CTNNA2: variants seen among roughly 807,000 people sequenced by gnomAD.
CTNNA2 encodes the protein catenin alpha-2.
A neutral mutation model predicts 101.0 loss-of-function variants in CTNNA2; 42 were observed. The observed-to-expected ratio is 0.42, with a 90% CI of 0.32 to 0.54. CTNNA2 has a LOEUF of 0.54. Among genes scored for constraint, CTNNA2 ranks in the 20% least tolerant of loss-of-function variants. The pLI, the probability that CTNNA2 is intolerant of heterozygous loss-of-function variation, is 0.14. For missense variants in CTNNA2, 871 were observed against 1,223.1 expected (o/e 0.71, Z 4.29); for synonymous variants, 450 against 456.4 (o/e 0.99, Z 0.18).
rs561142307 is a variant in CTNNA2 at position 80,469,472 on chromosome 2, T to C, written c.1290+49871T>C. ...ATATTACGGAGTTTACTGAATTTGG[T>C]TGGTGATATCTGACACTAATCCACA... On this transcript the variant is annotated intron_variant, in intron 9 of 18. Transcript: ENST00000402739. Among the ~76,000 whole-genome samples, 8 of 152,256 alleles carry C rather than the reference T, an allele frequency of 5.3e-5. No homozygotes were observed. In the South Asian group the frequency reaches 6.2e-4, roughly 12 times the overall value.
chr2:79,699,184 A>C (rs1684831512), intron 2 of CTNNA2, among the ~76,000 whole-genome samples: 1 of 152,116 alleles, frequency 6.6e-6, no homozygotes, highest in Non-Finnish European at 1.5e-5. Context: ...TTCCAAATTA[A>C]AATCATAATG....
At chr2:80,536,776 T>G (rs1187295290) in intron 9 of CTNNA2, among the ~76,000 whole-genome samples, 1 of 152,208 alleles carries the variant, frequency 6.6e-6, no homozygotes, top group South Asian at 2.1e-4. Context: ...TGTGGCTCTT[T>G]TGAGACAGAG....
At chr2:80,090,169 T>C (rs1699705963) in intron 7 of CTNNA2, among the ~76,000 whole-genome samples, 1 of 150,852 alleles carries the variant, frequency 6.6e-6, no homozygotes. Flanking sequence ...TGTGTGTGTG[T>C]GTGTGTGTGT....
chr2:80,432,993 C>T (rs1018253695), intron 9 of CTNNA2, among the ~76,000 whole-genome samples: 4 of 151,942 alleles, frequency 2.6e-5, no homozygotes, highest in African/African-American at 7.3e-5. Context: ...AGAATGTTAA[C>T]GGCAGTGGGG....
At chr2:79,992,346 C>T (rs1008390836) in intron 7 of CTNNA2, among the ~76,000 whole-genome samples, 4 of 152,050 alleles carry the variant, frequency 2.6e-5, no homozygotes, top group African/African-American at 2.4e-5. Flanking sequence ...GAAAATTAGA[C>T]ATACTTAATA....
intron 7 of CTNNA2, among the ~76,000 whole-genome samples, chr2:80,060,964 CA>C (rs1697561092): frequency 6.6e-6 from 1 of 152,086 alleles, no homozygotes; most frequent in Admixed American, 6.5e-5. Context: ...TCCAAAGGGC[CA>C]CCCCAGCTGA....
chr2:79,557,729 A>G (rs1056874491), intron 1 of CTNNA2, among the ~76,000 whole-genome samples: 3 of 151,866 alleles, frequency 2.0e-5, no homozygotes, highest in African/African-American at 7.2e-5. Flanking sequence ...TCCATAATGT[A>G]ATTCATTTGT....
rs551651507 is a variant in CTNNA2, at chr2:79,668,006, C to T, written c.102+16348C>T. On this transcript the variant is annotated intron_variant, in intron 2 of 18. Coordinates refer to ENST00000402739, the MANE Select transcript of CTNNA2 (RefSeq NM_001282597.3). ...CTGTAATCCCAGCACTTTGGGAGGC[C>T]GAGGCGGGTGGATCATGAGGTCAGG... Among the ~76,000 whole-genome samples the T allele has an allele frequency of 2.9e-4, 43 of 150,700 alleles. 1 individual carries two copies. The highest frequency in any genetic ancestry group is 2.6e-3 in the Admixed American group (39 of 15,106).
rs148935418 is a variant in CTNNA2, at chr2:80,171,254, C to T, written c.1057-221957C>T. On this transcript the variant is annotated intron_variant, in intron 7 of 18. Coordinates refer to ENST00000402739, the MANE Select transcript of CTNNA2 (RefSeq NM_001282597.3). ...TTGATGGAAAAGCATGTCCTTAAGG[C>T]TCATGCAATGGCCGGAAGCTGCTGT... 4.1e-4 allele frequency among the ~76,000 whole-genome samples: 62 copies of T among 152,316 alleles called. 2 individuals are homozygous for T. The highest frequency in any genetic ancestry group is 1.3e-3 in the African/African-American group (55 of 41,588).
At chr2:79,797,211 A>T (rs2105280205) in intron 3 of CTNNA2, among the ~76,000 whole-genome samples, 1 of 152,320 alleles carries the variant, frequency 6.6e-6, no homozygotes, top group African/African-American at 2.4e-5. Context: ...CTATGTAGAC[A>T]TCCAGTATAA....
At chr2:79,840,041 C>T (rs1432161547) in intron 3 of CTNNA2, among the ~76,000 whole-genome samples, 1 of 152,138 alleles carries the variant, frequency 6.6e-6, no homozygotes, top group Admixed American at 6.5e-5. Flanking sequence ...TTTATCTGCT[C>T]CATATTTCCC....
At chr2:80,043,137 CCT>C (rs1202911544) in intron 7 of CTNNA2, among the ~76,000 whole-genome samples, 10 of 55,016 alleles carry the variant, frequency 1.8e-4, no homozygotes, top group South Asian at 4.4e-4. Context: ...TTCCTTCCTT[CCT>C]TCCTTCCTTC....
At chr2:79,982,339 CAT>C (rs1491443281) in intron 7 of CTNNA2, among the ~76,000 whole-genome samples, 24 of 121,332 alleles carry the variant, frequency 2.0e-4, no homozygotes, top group African/African-American at 5.9e-4. Context: ...ACATATAAAA[CAT>C]ATATAACCTA....
chr2:80,195,592 A>G (rs1011714353), intron 7 of CTNNA2, among the ~76,000 whole-genome samples: 11 of 150,772 alleles, frequency 7.3e-5, no homozygotes, highest in East Asian at 5.9e-4. Context: ...ATCCAAGCCC[A>G]TGGTGGAAAA....
At chr2:80,039,969 A>G (rs115285676) in intron 7 of CTNNA2, among the ~76,000 whole-genome samples, 2,173 of 152,362 alleles carry the variant, frequency 0.014, 39 homozygotes, top group African/African-American at 0.044. Context: ...TTAAAGTACT[A>G]TATGTTGAAA....
At chr2:80,197,372 A>G (rs2149008602) in intron 7 of CTNNA2, among the ~76,000 whole-genome samples, 1 of 152,196 alleles carries the variant, frequency 6.6e-6, no homozygotes, top group East Asian at 1.9e-4. Flanking sequence ...TTCTTTCCCT[A>G]CTCTACTAAG....
At chr2:80,544,945 C>T (rs748113324) in intron 9 of CTNNA2, 37 bp from the exon 10 acceptor site, 4 of 1,571,946 alleles carry the variant, frequency 2.5e-6, no homozygotes, top group South Asian at 2.3e-5. Flanking sequence ...TTCCCTTTGC[C>T]CCAACCTAAT....
intron 2 of CTNNA2, among the ~76,000 whole-genome samples, chr2:79,657,847 A>T (rs1681725973): frequency 6.6e-6 from 1 of 151,828 alleles, no homozygotes; most frequent in Non-Finnish European, 1.5e-5. Flanking sequence ...TACTAAAAAG[A>T]TATTTAATAG....
At chr2:80,625,575 C>A (rs920068684) in intron 18 of CTNNA2, among the ~76,000 whole-genome samples, 1 of 152,046 alleles carries the variant, frequency 6.6e-6, no homozygotes, top group African/African-American at 2.4e-5. Context: ...ATATTTCTCT[C>A]AACTAGTCTG....
Sources: allele counts gnomAD v4.1 joint callset (sites outside exome capture counted in the v4.1 genomes callset), GRCh38; gene constraint gnomAD v4.1.1; transcripts MANE v1.5; gene names NCBI Gene and HGNC (gene_info 2026-07-23, HGNC 2026-07-21).